USP16: variants seen among roughly 807,000 people sequenced by gnomAD.
The protein encoded by USP16 is ubiquitin specific peptidase 16, also known as ubiquitin carboxyl-terminal hydrolase 16.
USP16 carries 77 observed loss-of-function variants against 95.9 expected under a neutral mutation model. The ratio of observed to expected loss-of-function variants is 0.80; its 90% CI spans 0.67 to 0.97. The LOEUF (loss-of-function observed/expected upper bound fraction) is 0.97, where lower values mean the gene tolerates loss of function less well. USP16 is among the 50% of genes least tolerant of loss of function. USP16 has a pLI of 0.00. For missense variants in USP16, 943 were observed against 959.9 expected, an observed-to-expected ratio of 0.98 and a Z score of 0.23; for synonymous variants, 303 against 318.2, an observed-to-expected ratio of 0.95 and a Z score of 0.51.
intron 16 of USP16, among the ~76,000 whole-genome samples, chr21:29,051,189 G>A (rs2085408034): frequency 6.6e-6 from 1 of 152,122 alleles, no homozygotes; most frequent in Admixed American, 6.6e-5. Flanking sequence ...AGGATATATA[G>A]GGAGAAAAGC....
Position 29,030,789 on chromosome 21 carries a change from A to C in USP16, c.240+16A>C. ...TGGCCATCAGGTATGCTTACGTTTT[A>C]AGATCAATATGGGATTTTAGAAAAC... On this transcript the variant is annotated intron_variant, in intron 3 of 17. Transcript: ENST00000399976. The C allele has an allele frequency of 1.9e-6, 3 of 1,588,504 alleles. No homozygotes were observed. Among genetic ancestry groups the C allele is most frequent in the Non-Finnish European group, 2.6e-6 (3 of 1,171,592 alleles).
At chr21:29,038,492 A>G (rs2085196475) in intron 7 of USP16, 62 bp downstream of exon 7, 3 of 1,216,760 alleles carry the variant, frequency 2.5e-6, no homozygotes, top group Non-Finnish European at 3.6e-6. Flanking sequence ...TTTCTAAATT[A>G]TTTTAAATAA....
intron 14 of USP16, among the ~76,000 whole-genome samples, chr21:29,048,048 C>CGTGTGTGT (rs67919060): frequency 0.011 from 1,370 of 123,766 alleles, 12 homozygotes; most frequent in African/African-American, 0.015. Context: ...AGAGACGATA[C>CGTGTGTGT]GTGTGTGTGT....
Position 29,037,344 on chromosome 21 carries a change from G to A in USP16, c.517G>A (p.Glu173Lys), listed in dbSNP as rs2085173526. 6.3e-7 allele frequency: 1 copy of A among 1,599,518 alleles called. No individual in the cohort carries two copies. The highest frequency in any genetic ancestry group is 1.7e-5 in the Admixed American group (1 of 59,244). The change falls in exon 6 of 18, where the codon GAG (glutamate) becomes AAG (lysine). Residue 173 changes from glutamate to lysine, a missense_variant. Glu to Lys is a moderately conservative substitution (Grantham distance 56, BLOSUM62 1). Transcript: ENST00000399976. ...KLEKESKNEQ[E>K]REKKENMAKE... The stretch of plus-strand genomic sequence containing the variant: ...AGAAAAAGAGAGTAAGAATGAACAA[G>A]AGAGAGAAAAGAAGGAAAACATGGC...
rs368763898 is a variant in USP16 at position 29,046,959 on chromosome 21, C to A, written c.1649C>A (p.Thr550Lys). The A allele has an allele frequency of 5.0e-6, 8 of 1,614,124 alleles. No individual in the cohort carries two copies. In the Admixed American group the frequency reaches 8.3e-5, roughly 17 times the overall value. Residue 550 changes from threonine (T) to lysine (K), a missense_variant, in exon 14 of 18, where the codon ACA (threonine) becomes AAA (lysine). Coordinates refer to ENST00000399976, the MANE Select transcript of USP16 (RefSeq NM_006447.3). ...INMDNDLEVL[T>K]SSPTRNLNGA... Reference sequence around the variant, plus strand: ...ATGGATAATGATCTGGAGGTTTTAACATCTTCTCCCACTAGGAATTTAAAT... The same window carrying A: ...ATGGATAATGATCTGGAGGTTTTAAAATCTTCTCCCACTAGGAATTTAAAT...
rs1359472754 is a variant in USP16, at chr21:29,030,604, G to T, written c.71G>T (p.Cys24Phe). ...DDSSETLEPV[C>F]RHIRKGLEQG... is the part of the protein sequence containing the mutation. ...TTATTTGTTTTAATAGAACCTGTGT[G>T]CAGACACATTAGAAAAGGATTGGAA... The change falls in exon 3 of 18, where the codon TGC becomes TTC. Residue 24 changes from cysteine (C) to phenylalanine (F), a missense_variant. Cys to Phe is a radical substitution (Grantham distance 205, BLOSUM62 -2). Transcript: ENST00000399976. 3 of 1,602,928 alleles carry T rather than the reference G, an allele frequency of 1.9e-6. No individual in the cohort carries two copies. The highest frequency in any genetic ancestry group is 2.6e-6 in the Non-Finnish European group (3 of 1,176,352).
chr21:29,037,723 C>A (rs2085182378), intron 6 of USP16, among the ~76,000 whole-genome samples: 1 of 151,608 alleles, frequency 6.6e-6, no homozygotes, highest in Admixed American at 6.6e-5. Context: ...GTAGCTGGGA[C>A]TACAGGCATG....
intron 13 of USP16, 62 bp from the exon 14 acceptor site, chr21:29,046,601 CTCTT>C: frequency 6.8e-7 from 1 of 1,480,890 alleles, no homozygotes; most frequent in South Asian, 1.4e-5. Flanking sequence ...TCCTCTATCT[CTCTT>C]CCTCCTTTTC....
At chr21:29,048,957 T>C in intron 15 of USP16, 102 bp downstream of exon 15, 1 of 892,578 alleles carries the variant, frequency 1.1e-6, no homozygotes. Context: ...TCTTTGGTTT[T>C]CTGTTGTTTC....
intron 1 of USP16, chr21:29,024,988 C>A: frequency 2.4e-6 from 1 of 418,604 alleles, no homozygotes; most frequent in Non-Finnish European, 3.9e-6. Flanking sequence ...TGGCGGCCTT[C>A]TCGACCCCGT....
rs61760206 is a variant in USP16, at chr21:29,046,998, C to T, written c.1688C>T (p.Thr563Met). The change falls in exon 14 of 18, where the codon ACG becomes ATG. Residue 563 changes from threonine (T) to methionine (M), a missense_variant. Physicochemically the swap from Thr to Met is moderately conservative, Grantham distance 81. Coordinates refer to ENST00000399976, the MANE Select transcript of USP16 (RefSeq NM_006447.3). ...AGGAATTTAAATGGTGCCTACCTAA[C>T]GGAAGGGAGCAATGGAGAAGTGGAC... ...PTRNLNGAYL[T>M]EGSNGEVDIS... is the part of the protein sequence containing the mutation. 561 of 1,614,024 alleles carry T rather than the reference C, an allele frequency of 3.5e-4. 2 individuals are homozygous for T. The highest frequency in any genetic ancestry group is 3.1e-3 in the Middle Eastern group (19 of 6,062).
chr21:29,046,619 C>A, intron 13 of USP16, 48 bp from the exon 14 acceptor site: 1 of 1,528,266 alleles, frequency 6.5e-7, no homozygotes, highest in South Asian at 1.3e-5. Context: ...CCTTTTCTCC[C>A]GCTCTTTCTT....
At chr21:29,028,636 A>G (rs2085029955) in intron 2 of USP16, among the ~76,000 whole-genome samples, 2 of 146,728 alleles carry the variant, frequency 1.4e-5, no homozygotes, top group Admixed American at 6.8e-5. Context: ...GGGTTTCACC[A>G]TGTTGACCAG....
chr21:29,051,351 G>C (rs2085410930), intron 16 of USP16, among the ~76,000 whole-genome samples: 1 of 152,166 alleles, frequency 6.6e-6, no homozygotes, highest in Non-Finnish European at 1.5e-5. Context: ...GATGGGCCCA[G>C]GGCACAGATT....
chr21:29,052,398 G>C (rs538679666), intron 16 of USP16: 1 of 152,366 alleles, frequency 6.6e-6, no homozygotes, highest in Admixed American at 6.5e-5. Flanking sequence ...GGAGGAGCAC[G>C]TCACATCTTA....
chr21:29,024,953 A>T (rs548760109), intron 1 of USP16, 176 bp downstream of exon 1: 2 of 639,006 alleles, frequency 3.1e-6, no homozygotes, highest in Non-Finnish European at 4.4e-6. Flanking sequence ...TCAGTTCCAG[A>T]AGCTGGCCAA....
At chr21:29,049,344 T>G (rs1199931367) in intron 15 of USP16, among the ~76,000 whole-genome samples, 1 of 152,212 alleles carries the variant, frequency 6.6e-6, no homozygotes, top group African/African-American at 2.4e-5. Flanking sequence ...TTCAGTATCT[T>G]CAGAACGTTT....
rs116841526 is a variant in USP16, at chr21:29,035,337, G to C, written c.344+397G>C. On this transcript the variant is annotated intron_variant, in intron 4 of 17. Transcript: ENST00000399976. ...TAACATCATTAAAACAGATTTTTAC[G>C]TCTTAAAAATCATTTTCACAGTAGT... 2.6e-3 allele frequency among the ~76,000 whole-genome samples: 390 copies of C among 151,324 alleles called. 9 individuals carry two copies. The East Asian group carries it at 0.059, about 23-fold the overall frequency.
intron 12 of USP16, 23 bp downstream of exon 12, chr21:29,042,551 A>T: frequency 6.3e-7 from 1 of 1,575,118 alleles, no homozygotes; most frequent in Non-Finnish European, 8.6e-7. Flanking sequence ...AATTTATTTT[A>T]TTCAAGTAGA....
Sources: gnomAD v4.1 joint callset for allele counts (sites outside exome capture counted in the v4.1 genomes callset) on GRCh38, gnomAD v4.1.1 for gene constraint, MANE v1.5 for transcripts, NCBI Gene and HGNC (gene_info 2026-07-23, HGNC 2026-07-21) for gene names.